Variants in COMMD1 observed in about 807,000 individuals in gnomAD.
COMMD1 encodes the protein COMM domain-containing protein 1.
In COMMD1, 10 loss-of-function variants were observed where a neutral mutation model predicts 17.2. The ratio of observed to expected loss-of-function variants is 0.58; its 90% CI spans 0.36 to 0.99. The LOEUF is 0.99. COMMD1 is among the 50% of genes least tolerant of loss of function. The probability of loss-of-function intolerance (pLI) is 0.01; values close to 1 mark genes in which losing one functional copy is unlikely to be tolerated. For synonymous variants in COMMD1, 97 were observed against 91.6 expected, an observed-to-expected ratio of 1.06 and a Z score of -0.34; for missense variants, 270 against 231.8, an observed-to-expected ratio of 1.17 and a Z score of -1.07.
intron 1 of COMMD1, among the ~76,000 whole-genome samples, chr2:61,966,096 T>G (rs1318749361): frequency 6.6e-6 from 1 of 152,250 alleles, no homozygotes; most frequent in Non-Finnish European, 1.5e-5. Context: ...AATCTTCAGT[T>G]GTCATAGGTG....
intron 2 of COMMD1, among the ~76,000 whole-genome samples, chr2:62,094,574 G>GA (rs1158219020): frequency 2.6e-5 from 4 of 151,662 alleles, no homozygotes; most frequent in South Asian, 2.1e-4. Context: ...TGTTGCAAAA[G>GA]AAAAAAAATC....
chr2:62,002,885 A>G (rs1435154160), intron 2 of COMMD1, among the ~76,000 whole-genome samples: 3 of 152,052 alleles, frequency 2.0e-5, no homozygotes, highest in Non-Finnish European at 4.4e-5. Flanking sequence ...CCTTTTATTC[A>G]GTTATTATAA....
chr2:62,112,551 G>A (rs140245014), intron 2 of COMMD1, among the ~76,000 whole-genome samples: 69 of 152,340 alleles, frequency 4.5e-4, no homozygotes, highest in African/African-American at 1.5e-3. Flanking sequence ...CGGGGTATGT[G>A]TAACAAGGTA....
chr2:61,978,600 CCTT>C (rs750091702), intron 1 of COMMD1, among the ~76,000 whole-genome samples: 14 of 152,228 alleles, frequency 9.2e-5, no homozygotes, highest in Non-Finnish European at 1.5e-4. Context: ...AAGTTCCTCT[CCTT>C]AAGGTGTTTG....
intron 2 of COMMD1, among the ~76,000 whole-genome samples, chr2:62,008,042 T>A (rs1031451943): frequency 2.0e-5 from 3 of 152,058 alleles, no homozygotes; most frequent in African/African-American, 7.2e-5. Flanking sequence ...ATTAGCCAGA[T>A]GTGATACTGC....
intron 2 of COMMD1, among the ~76,000 whole-genome samples, chr2:62,054,201 A>G (rs933572303): frequency 8.5e-5 from 13 of 152,232 alleles, no homozygotes; most frequent in Admixed American, 8.5e-4. Flanking sequence ...GACAAAAAAT[A>G]GCAGATGTTG....
chr2:61,973,999 A>G (rs1671721656), intron 1 of COMMD1, among the ~76,000 whole-genome samples: 2 of 152,224 alleles, frequency 1.3e-5, no homozygotes, highest in Admixed American at 1.3e-4. Flanking sequence ...TTGCTCTAGA[A>G]CATCATATAA....
intron 2 of COMMD1, chr2:62,084,773 CTG>C (rs1671614039): frequency 6.6e-6 from 1 of 152,192 alleles, no homozygotes; most frequent in Non-Finnish European, 1.5e-5. Context: ...GGCTCCATCA[CTG>C]TTATAACTGG....
chr2:62,083,525 GTCTC>G (rs1232436749), intron 2 of COMMD1, among the ~76,000 whole-genome samples: 3 of 152,168 alleles, frequency 2.0e-5, no homozygotes, highest in Non-Finnish European at 2.9e-5. Context: ...TTTTCTCTCT[GTCTC>G]TCTCTTTCTC....
intron 1 of COMMD1, among the ~76,000 whole-genome samples, chr2:61,933,332 C>T (rs1670519289): frequency 6.6e-6 from 1 of 151,956 alleles, no homozygotes; most frequent in Non-Finnish European, 1.5e-5. Context: ...CCCTAACACT[C>T]AGCTGCTTGT....
chr2:62,086,481 A>G (rs1671672185), intron 2 of COMMD1, among the ~76,000 whole-genome samples: 1 of 151,492 alleles, frequency 6.6e-6, no homozygotes. Context: ...ACTGCACTCC[A>G]GCCTGTATGA....
chr2:62,026,708 A>T (rs1316076788), intron 2 of COMMD1, among the ~76,000 whole-genome samples: 2 of 152,178 alleles, frequency 1.3e-5, no homozygotes, highest in Non-Finnish European at 2.9e-5. Flanking sequence ...TGGATTCTGG[A>T]TCCTGACATT....
intron 1 of COMMD1, among the ~76,000 whole-genome samples, chr2:61,956,408 T>TA (rs1671199829): frequency 6.6e-6 from 1 of 152,104 alleles, no homozygotes; most frequent in Non-Finnish European, 1.5e-5. Flanking sequence ...TAATTCCTTG[T>TA]AAAATTTTTT....
intron 1 of COMMD1, among the ~76,000 whole-genome samples, chr2:61,933,930 A>AT (rs1287509495): frequency 6.6e-6 from 1 of 151,744 alleles, no homozygotes; most frequent in Non-Finnish European, 1.5e-5. Flanking sequence ...TACCTGGCTA[A>AT]TTTTTTGTAT....
At chr2:61,897,804 C>A (rs1669581236) in intron 1 of COMMD1, among the ~76,000 whole-genome samples, 1 of 152,066 alleles carries the variant, frequency 6.6e-6, no homozygotes, top group African/African-American at 2.4e-5. Context: ...TCCCTATGTC[C>A]TAGGCCCTGT....
chr2:61,920,629 A>G (rs1670165965), intron 1 of COMMD1, among the ~76,000 whole-genome samples: 1 of 152,168 alleles, frequency 6.6e-6, no homozygotes, highest in Admixed American at 6.5e-5. Flanking sequence ...AGTCCTATTC[A>G]AAAATGACAA....
chr2:61,980,998 G>T (rs547889778), intron 1 of COMMD1, among the ~76,000 whole-genome samples: 1 of 152,066 alleles, frequency 6.6e-6, no homozygotes, highest in African/African-American at 2.4e-5. Context: ...TTAAAATTGG[G>T]TTATTAGATT....
chr2:61,894,080 A>G (rs1045548661), intron 1 of COMMD1, among the ~76,000 whole-genome samples: 1 of 152,156 alleles, frequency 6.6e-6, no homozygotes, highest in Admixed American at 6.5e-5. Context: ...ATTGTTTTTA[A>G]AAAGTAAGAC....
At chr2:62,049,219 C>G (rs1670471662) in intron 2 of COMMD1, among the ~76,000 whole-genome samples, 2 of 150,436 alleles carry the variant, frequency 1.3e-5, no homozygotes, top group African/African-American at 4.9e-5. Flanking sequence ...AAAAAAAGAC[C>G]TAGCCCTTGC....
Sources: allele counts gnomAD v4.1 joint callset (sites outside exome capture counted in the v4.1 genomes callset), GRCh38; gene constraint gnomAD v4.1.1; transcripts MANE v1.5; gene names NCBI Gene and HGNC (gene_info 2026-07-23, HGNC 2026-07-21).